ESR1: variants seen among roughly 807,000 people sequenced by gnomAD.
ESR1 encodes the protein estrogen receptor.
ESR1 carries 12 observed loss-of-function variants against 52.7 expected under a neutral mutation model. The ratio of observed to expected loss-of-function variants is 0.23; its 90% confidence interval spans 0.15 to 0.37. The LOEUF (loss-of-function observed/expected upper bound fraction) is 0.37. Among genes scored for constraint, ESR1 ranks in the 10% least tolerant of loss-of-function variants. The pLI, the probability that ESR1 is intolerant of heterozygous loss-of-function variation, is 1.00. For missense variants in ESR1, 584 were observed against 779.7 expected (o/e 0.75, Z 2.99); for synonymous variants, 305 against 316.8 (o/e 0.96, Z 0.39).
downstream of ESR1, among the ~76,000 whole-genome samples, chr6:152,108,045 A>G (rs1032882270): frequency 7.2e-5 from 11 of 151,906 alleles, no homozygotes; most frequent in South Asian, 2.1e-4. Context: ...CTCTGACTCA[A>G]TTTTTTGCTG....
intron 5 of ESR1, among the ~76,000 whole-genome samples, chr6:152,019,840 G>C (rs1378138803): frequency 6.6e-6 from 1 of 152,118 alleles, no homozygotes; most frequent in African/African-American, 2.4e-5. Context: ...TTAAGAGGGG[G>C]TTGGCCACTT....
Position 151,947,572 on chromosome 6 carries a change from A to G in ESR1, c.1096+3064A>G, listed in dbSNP as rs111588130. Among the ~76,000 whole-genome samples the G allele has an allele frequency of 9.3e-4, 141 of 152,296 alleles. 2 individuals carry two copies. The highest frequency in any genetic ancestry group is 3.3e-3 in the African/African-American group (138 of 41,564). On this transcript the variant is annotated intron_variant, in intron 4 of 7. Coordinates refer to ENST00000206249, the MANE Select transcript of ESR1 (RefSeq NM_000125.4). Reference sequence around the variant, plus strand: ...GCTTCTTTCTTCTTTCTTTTAATTAACAGAATATTGTCAGAATTTTCAAAT... The same window carrying G: ...GCTTCTTTCTTCTTTCTTTTAATTAGCAGAATATTGTCAGAATTTTCAAAT...
intron 3 of ESR1, among the ~76,000 whole-genome samples, chr6:151,937,724 A>G (rs2034535045): frequency 6.6e-6 from 1 of 152,174 alleles, no homozygotes; most frequent in Admixed American, 6.5e-5. Context: ...TAATTACATA[A>G]ATTACGTAGT....
At chr6:151,710,717 C>T (rs1780539866) in intron 2 of ESR1, among the ~76,000 whole-genome samples, 1 of 151,924 alleles carries the variant, frequency 6.6e-6, no homozygotes, top group African/African-American at 2.4e-5. Flanking sequence ...TGCTATCCCT[C>T]CCCTAGCCCC....
chr6:151,678,191 G>A (rs1180661575), intron 1 of ESR1, among the ~76,000 whole-genome samples: 2 of 152,116 alleles, frequency 1.3e-5, no homozygotes, highest in South Asian at 2.1e-4. Context: ...CATTGATGCC[G>A]ACTGGGCACA....
rs143340140 is a variant in ESR1 at position 151,976,703 on chromosome 6, T to C, written c.1096+32195T>C. Reference sequence around the variant, plus strand: ...ATAAGAATTCAAAAACTTTAATCACTGATAGAGATTAAATGATGTTTATAT... The same window carrying C: ...ATAAGAATTCAAAAACTTTAATCACCGATAGAGATTAAATGATGTTTATAT... On this transcript the variant is annotated intron_variant, in intron 4 of 7. Transcript: ENST00000206249. 9.6e-3 allele frequency among the ~76,000 whole-genome samples: 1,464 copies of C among 152,242 alleles called. 25 individuals are homozygous for C. The highest frequency in any genetic ancestry group is 0.03 in the African/African-American group (1,242 of 41,550).
At chr6:151,715,649 C>T (rs1780974659) in intron 2 of ESR1, among the ~76,000 whole-genome samples, 1 of 152,144 alleles carries the variant, frequency 6.6e-6, no homozygotes, top group East Asian at 1.9e-4. Flanking sequence ...GTGTATGCTT[C>T]ATAAAGTTCT....
chr6:152,062,275 CTCTTT>C (rs1282956716), intron 6 of ESR1, among the ~76,000 whole-genome samples: 1 of 152,128 alleles, frequency 6.6e-6, no homozygotes, highest in East Asian at 1.9e-4. Flanking sequence ...GCCCTTCCTT[CTCTTT>C]TCTTGTGTTT....
intron 1 of ESR1, among the ~76,000 whole-genome samples, chr6:151,818,848 A>G (rs930723209): frequency 3.3e-5 from 5 of 151,990 alleles, no homozygotes; most frequent in African/African-American, 1.2e-4. Flanking sequence ...GTATACATAT[A>G]TATATATAAT....
At chr6:151,813,283 T>C (rs1779101350) in intron 1 of ESR1, 2 of 152,182 alleles carry the variant, frequency 1.3e-5, no homozygotes, top group South Asian at 4.1e-4. Context: ...TTTATGTAGT[T>C]TAATAAAGTA....
chr6:151,698,601 C>G, intron 1 of ESR1, among the ~76,000 whole-genome samples: 1 of 152,122 alleles, frequency 6.6e-6, no homozygotes, highest in Non-Finnish European at 1.5e-5. Context: ...GACGAGTGTC[C>G]TTTCTGATTT....
chr6:152,032,662 CATT>C (rs374332647), intron 5 of ESR1, among the ~76,000 whole-genome samples: 423 of 152,294 alleles, frequency 2.8e-3, no homozygotes, highest in African/African-American at 9.6e-3. Context: ...AATGCAAGAA[CATT>C]CCATGCTTAT....
intron 2 of ESR1, among the ~76,000 whole-genome samples, chr6:151,764,220 T>A (rs1407999263): frequency 5.9e-5 from 9 of 152,224 alleles, no homozygotes; most frequent in Non-Finnish European, 2.9e-5. Context: ...TTGGCCACCC[T>A]ATCTTTGTGT....
rs1784489244 is a variant in ESR1 at position 151,842,691 on chromosome 6, C to T, written c.547C>T (p.Arg183Cys). The T allele has an allele frequency of 2.5e-6, 4 of 1,613,800 alleles. No individual in the cohort carries two copies. The highest frequency in any genetic ancestry group is 2.7e-5 in the African/African-American group (2 of 74,918). ...SMAMESAKET[R>C]YCAVCNDYAS... is the part of the protein sequence containing the mutation. ...GGCTATGGAATCTGCCAAGGAGACTCGCTACTGTGCAGTGTGCAATGACTA... is the reference window on the plus strand; with the variant it reads ...GGCTATGGAATCTGCCAAGGAGACTTGCTACTGTGCAGTGTGCAATGACTA... The change falls in exon 2 of 8, where the codon CGC (arginine) becomes TGC (cysteine). Residue 183 changes from arginine (R) to cysteine (C), a missense_variant. Physicochemically the swap from Arg to Cys is radical, Grantham distance 180 (BLOSUM62 -3). Around this residue, in one of 6 missense-constraint regions of ESR1, gnomAD observed 8 missense variants for 36.9 expected, o/e 0.22. Transcript: ENST00000206249.
intron 2 of ESR1, among the ~76,000 whole-genome samples, chr6:151,782,657 T>C (rs1285057): frequency 0.67 from 101,645 of 152,042 alleles, 34,416 homozygotes; most frequent in African/African-American, 0.75. Context: ...CATTTTAACA[T>C]TCCTCATTAT....
At chr6:152,117,603 C>T (rs2051225178) in intron 6 of ESR1, among the ~76,000 whole-genome samples, 1 of 152,208 alleles carries the variant, frequency 6.6e-6, no homozygotes, top group South Asian at 2.1e-4. Context: ...AACCGGCTTC[C>T]TCAGCTCCCT....
chr6:151,917,126 G>A (rs549644664), intron 3 of ESR1, among the ~76,000 whole-genome samples: 1 of 151,852 alleles, frequency 6.6e-6, no homozygotes, highest in African/African-American at 2.4e-5. Flanking sequence ...GGCTTGGTTT[G>A]TACTCAGCTC....
At chr6:151,680,576 C>T (rs1054744886) in intron 1 of ESR1, among the ~76,000 whole-genome samples, 1 of 152,118 alleles carries the variant, frequency 6.6e-6, no homozygotes, top group African/African-American at 2.4e-5. Context: ...TATGAGAGCA[C>T]TAATCCCATC....
At chr6:151,736,965 A>G (rs951692959) in intron 2 of ESR1, among the ~76,000 whole-genome samples, 3 of 152,178 alleles carry the variant, frequency 2.0e-5, no homozygotes, top group Non-Finnish European at 4.4e-5. Flanking sequence ...CCATCATTCA[A>G]AGGTATCTGT....
Sources: allele counts gnomAD v4.1 joint callset (sites outside exome capture counted in the v4.1 genomes callset), GRCh38; gene constraint gnomAD v4.1.1; regional missense constraint gnomAD v4.1.1; transcripts MANE v1.5; gene names NCBI Gene and HGNC (gene_info 2026-07-23, HGNC 2026-07-21).